The following INTS15 variants were observed in gnomAD, a reference collection of about 807,000 sequenced individuals.
INTS15 encodes the protein uncharacterized protein C7orf26.
chr7:6,596,228 G>C, the INTS15 span, among the ~76,000 whole-genome samples: 4 of 151,838 alleles, frequency 2.6e-5, 1 homozygote, highest in East Asian at 7.8e-4. Flanking sequence ...ACTAATTTTT[G>C]TATTTTTAGT....
At chr7:6,595,128 C>G in the INTS15 span, among the ~76,000 whole-genome samples, 3 of 151,556 alleles carry the variant, frequency 2.0e-5, no homozygotes, top group Non-Finnish European at 4.4e-5. Flanking sequence ...GCCCCCAAGG[C>G]TCAAGTGTTT....
chr7:6,605,703 T>C, the INTS15 span, among the ~76,000 whole-genome samples: 1 of 152,024 alleles, frequency 6.6e-6, no homozygotes, highest in African/African-American at 2.4e-5. Context: ...TACATTTCTT[T>C]TCTTTTCTTT....
chr7:6,607,980 CG>C, the INTS15 span: 1 of 1,600,124 alleles, frequency 6.2e-7, no homozygotes. This position sits in a 1 kb window ranked among gnomAD's most constrained non-coding sequence, Gnocchi z 6.0. Context: ...CTGGTGATCT[CG>C]GGTCCCGTGC....
chr7:6,595,540 A>G, the INTS15 span, among the ~76,000 whole-genome samples: 1 of 152,236 alleles, frequency 6.6e-6, no homozygotes, highest in Admixed American at 6.5e-5. Context: ...CTAAGAGGGA[A>G]CTATTAGTGA....
chr7:6,600,391 G>A, the INTS15 span: 10 of 1,581,284 alleles, frequency 6.3e-6, no homozygotes, highest in South Asian at 9.0e-5. Flanking sequence ...TCCTGGTGCG[G>A]GGACACCGCC....
At chr7:6,607,947 C>T in the INTS15 span, 3 of 1,598,712 alleles carry the variant, frequency 1.9e-6, no homozygotes, top group Non-Finnish European at 1.7e-6. This position sits in a 1 kb window ranked among gnomAD's most constrained non-coding sequence, Gnocchi z 6.0. Flanking sequence ...GACGCTTATG[C>T]TTGTGTTCGC....
At chr7:6,603,707 CGG>C in the INTS15 span, among the ~76,000 whole-genome samples, 1 of 152,054 alleles carries the variant, frequency 6.6e-6, no homozygotes, top group East Asian at 1.9e-4. Context: ...GGCATGGTGG[CGG>C]GTGCCTGTAA....
the INTS15 span, among the ~76,000 whole-genome samples, chr7:6,594,227 G>A: frequency 1.4e-5 from 2 of 147,846 alleles, no homozygotes; most frequent in Non-Finnish European, 3.0e-5. Flanking sequence ...GGCTGGTCTC[G>A]AACTCCTGAC....
the INTS15 span, chr7:6,590,139 G>A: frequency 1.6e-6 from 1 of 623,904 alleles, no homozygotes; most frequent in Non-Finnish European, 2.3e-6. Context: ...AGCAGGCAGG[G>A]AGCAGGCGGC....
the INTS15 span, chr7:6,607,537 G>A: frequency 1.5e-6 from 2 of 1,317,254 alleles, no homozygotes; most frequent in African/African-American, 1.5e-5. The surrounding 1 kb of genome is among the most constrained non-coding windows in gnomAD (Gnocchi z 6.0). Flanking sequence ...TGAATTTCAG[G>A]ACTCTGAATT....
chr7:6,590,618 C>T, the INTS15 span: 5 of 1,385,000 alleles, frequency 3.6e-6, no homozygotes, highest in Non-Finnish European at 2.8e-6. Flanking sequence ...CTGCAGCAGC[C>T]CCCAAACCCT....
the INTS15 span, chr7:6,607,879 G>T: frequency 6.4e-7 from 1 of 1,566,802 alleles, no homozygotes; most frequent in Non-Finnish European, 8.6e-7. The surrounding 1 kb of genome is among the most constrained non-coding windows in gnomAD (Gnocchi z 6.0). Context: ...GCGGGGTGCG[G>T]GGGGACGGGG....
At chr7:6,592,365 G>A in the INTS15 span, among the ~76,000 whole-genome samples, 6 of 151,826 alleles carry the variant, frequency 4.0e-5, no homozygotes, top group African/African-American at 1.2e-4. Flanking sequence ...TCAGGAGTTT[G>A]AGACCAGCCT....
the INTS15 span, among the ~76,000 whole-genome samples, chr7:6,592,201 T>G: frequency 6.6e-6 from 1 of 151,198 alleles, no homozygotes; most frequent in Non-Finnish European, 1.5e-5. Flanking sequence ...TGAGAGTCTC[T>G]GAAGATGATT....
the INTS15 span, among the ~76,000 whole-genome samples, chr7:6,593,716 G>C: frequency 6.7e-6 from 1 of 148,552 alleles, no homozygotes; most frequent in African/African-American, 2.5e-5. Flanking sequence ...GTGTGACCAC[G>C]GGGCTCACTG....
chr7:6,599,777 C>A, the INTS15 span: 3 of 1,568,210 alleles, frequency 1.9e-6, no homozygotes, highest in Non-Finnish European at 2.6e-6. Context: ...CCACTTCCCG[C>A]CCCTGTCCTC....
the INTS15 span, chr7:6,608,495 C>G: frequency 1.7e-6 from 2 of 1,202,388 alleles, no homozygotes; most frequent in Non-Finnish European, 2.1e-6. Flanking sequence ...GGTGCAAGCC[C>G]GTGTGTCTGG....
At chr7:6,591,726 G>T in the INTS15 span, 1 of 1,614,142 alleles carries the variant, frequency 6.2e-7, no homozygotes, top group African/African-American at 1.3e-5. Context: ...ACTCTGTTCG[G>T]CAGATTATTT....
chr7:6,607,722 T>C, the INTS15 span: 1 of 1,514,188 alleles, frequency 6.6e-7, no homozygotes. This position sits in a 1 kb window ranked among gnomAD's most constrained non-coding sequence, Gnocchi z 6.0. Flanking sequence ...CCGGGAGTGC[T>C]ACGGCCGGAG....
Sources: gnomAD v4.1 joint callset for allele counts (sites outside exome capture counted in the v4.1 genomes callset) on GRCh38, gnomAD v4.1.1 for gene constraint, Gnocchi (gnomAD v3.1) non-coding constraint, MANE v1.5 for transcripts, NCBI Gene and HGNC (gene_info 2026-07-23, HGNC 2026-07-21) for gene names.